GRID1: variants seen among roughly 807,000 people sequenced by gnomAD.
GRID1 encodes the protein glutamate ionotropic receptor delta type subunit 1, also known as glutamate receptor ionotropic, delta-1.
In GRID1, 28 loss-of-function variants were observed where a neutral mutation model predicts 98.0. That is an observed-to-expected ratio of 0.29 (90% CI 0.21 to 0.39). The LOEUF is 0.39. Ranked by LOEUF, GRID1 falls within the 10% of genes least tolerant of loss-of-function variation. The pLI is 1.00. For synonymous variants in GRID1, 553 were observed against 538.5 expected, an observed-to-expected ratio of 1.03 and a Z score of -0.37; for missense variants, 1,111 against 1,340.5, an observed-to-expected ratio of 0.83 and a Z score of 2.67.
At chr10:86,239,918 A>C (rs1310146152) in intron 2 of GRID1, among the ~76,000 whole-genome samples, 1 of 152,230 alleles carries the variant, frequency 6.6e-6, no homozygotes, top group Non-Finnish European at 1.5e-5. Context: ...AAAACGAATC[A>C]GGAAGGTGGG....
intron 2 of GRID1, among the ~76,000 whole-genome samples, chr10:86,283,965 T>G (rs1204230152): frequency 7.0e-6 from 1 of 142,102 alleles, no homozygotes; most frequent in Non-Finnish European, 1.5e-5. Context: ...CACCTGCATA[T>G]ACACACCTGC....
At chr10:85,703,459 T>C (rs1841476761) in intron 12 of GRID1, among the ~76,000 whole-genome samples, 3 of 151,920 alleles carry the variant, frequency 2.0e-5, no homozygotes. Flanking sequence ...ATATAGGATG[T>C]TAAGAAGAAA....
intron 4 of GRID1, among the ~76,000 whole-genome samples, chr10:86,124,180 G>A (rs2131961614): frequency 1.3e-5 from 2 of 152,244 alleles, no homozygotes; most frequent in East Asian, 1.9e-4. Flanking sequence ...CCTTAACCCT[G>A]GTCCCTTTCC....
intron 2 of GRID1, among the ~76,000 whole-genome samples, chr10:86,227,385 G>A (rs1032045162): frequency 1.3e-5 from 2 of 152,152 alleles, no homozygotes; most frequent in Admixed American, 1.3e-4. Context: ...GTAGTGGGGG[G>A]CTGCAGCCCC....
chr10:86,146,518 C>T (rs1476321757), intron 3 of GRID1, among the ~76,000 whole-genome samples: 1 of 152,226 alleles, frequency 6.6e-6, no homozygotes, highest in African/African-American at 2.4e-5. Flanking sequence ...CAAAGAACTA[C>T]CTGCTGTGGC....
intron 4 of GRID1, among the ~76,000 whole-genome samples, chr10:85,920,515 G>A (rs967211660): frequency 1.2e-4 from 19 of 152,156 alleles, no homozygotes; most frequent in African/African-American, 3.6e-4. Context: ...CCTGGGTAGG[G>A]GAGTGGACCA....
chr10:86,027,081 CTCTA>C (rs1157331646), intron 4 of GRID1, among the ~76,000 whole-genome samples: 3 of 152,220 alleles, frequency 2.0e-5, no homozygotes, highest in Non-Finnish European at 2.9e-5. Flanking sequence ...TCCCAGACTT[CTCTA>C]TCTGATTATT....
chr10:85,722,661 T>C (rs1278683796), intron 12 of GRID1, among the ~76,000 whole-genome samples: 2 of 152,226 alleles, frequency 1.3e-5, no homozygotes, highest in African/African-American at 4.8e-5. Context: ...ACTTCTGGTT[T>C]AAATTAATTT....
intron 8 of GRID1, among the ~76,000 whole-genome samples, chr10:85,804,548 A>G (rs188336176): frequency 1.3e-5 from 2 of 152,008 alleles, no homozygotes; most frequent in Admixed American, 1.3e-4. Flanking sequence ...AATCAAAGAC[A>G]TTACAAGAAA....
chr10:85,969,732 T>C (rs773997649), intron 4 of GRID1, among the ~76,000 whole-genome samples: 32 of 152,016 alleles, frequency 2.1e-4, no homozygotes, highest in Non-Finnish European at 4.3e-4. Flanking sequence ...ACACCTACGT[T>C]GAAAGAGAAA....
intron 2 of GRID1, among the ~76,000 whole-genome samples, chr10:86,342,695 C>G (rs1283506059): frequency 6.6e-6 from 1 of 152,236 alleles, no homozygotes; most frequent in African/African-American, 2.4e-5. Context: ...TGCTTCCCTG[C>G]CCAGGAGCAG....
intron 13 of GRID1, among the ~76,000 whole-genome samples, chr10:85,642,649 T>C (rs1187761569): frequency 6.6e-6 from 1 of 152,230 alleles, no homozygotes; most frequent in African/African-American, 2.4e-5. Flanking sequence ...CGTCTCTTAA[T>C]AAATAAAAAT....
chr10:86,229,032 G>A (rs1287464785), intron 2 of GRID1, among the ~76,000 whole-genome samples: 3 of 152,166 alleles, frequency 2.0e-5, no homozygotes, highest in Non-Finnish European at 2.9e-5. Flanking sequence ...GGGCTGCCTT[G>A]GTCCAGAGTG....
At chr10:86,111,952 G>A (rs1844493501) in intron 4 of GRID1, among the ~76,000 whole-genome samples, 1 of 152,178 alleles carries the variant, frequency 6.6e-6, no homozygotes, top group African/African-American at 2.4e-5. Context: ...ATGAGGTGTA[G>A]TCTCCACCCG....
At chr10:85,837,240 G>C (rs1475453761) in intron 8 of GRID1, among the ~76,000 whole-genome samples, 1 of 152,178 alleles carries the variant, frequency 6.6e-6, no homozygotes, top group Non-Finnish European at 1.5e-5. Flanking sequence ...TGGGGGCACA[G>C]AGAAAGCACC....
intron 8 of GRID1, among the ~76,000 whole-genome samples, chr10:85,846,869 C>A (rs961684397): frequency 6.6e-6 from 1 of 152,114 alleles, no homozygotes; most frequent in African/African-American, 2.4e-5. Flanking sequence ...ATAAAGTTTC[C>A]AAGATACAAA....
At chr10:86,345,307 A>G (rs1306318953) in intron 2 of GRID1, among the ~76,000 whole-genome samples, 2 of 152,244 alleles carry the variant, frequency 1.3e-5, no homozygotes, top group Non-Finnish European at 2.9e-5. Flanking sequence ...TTGGGTGGAC[A>G]GGAACAGGGG....
Position 85,613,451 on chromosome 10 carries a change from A to G in GRID1, c.2557T>C (p.Leu853=). 1 of 1,613,444 alleles carries G rather than the reference A, an allele frequency of 6.2e-7. No homozygotes were observed. The highest frequency in any genetic ancestry group is 8.5e-7 in the Non-Finnish European group (1 of 1,179,888). The change falls in exon 15 of 16, where the codon TTG becomes CTG. Residue 853 remains leucine, a synonymous_variant. Coordinates refer to ENST00000327946, the MANE Select transcript of GRID1 (RefSeq NM_017551.3). ...LLACLVAALE[L]WWNSNRCHQE... is the part of the protein sequence containing the mutation. Reference sequence around the variant, plus strand: ...TGGCACCGGTTGCTGTTCCACCACAACTCCAGGGCAGCCACCAGGCAGGCC... The same window carrying G: ...TGGCACCGGTTGCTGTTCCACCACAGCTCCAGGGCAGCCACCAGGCAGGCC...
chr10:85,924,521 G>A (rs1023642658), intron 4 of GRID1, among the ~76,000 whole-genome samples: 1 of 152,156 alleles, frequency 6.6e-6, no homozygotes, highest in African/African-American at 2.4e-5. Flanking sequence ...TGTACTGAGC[G>A]TTGAACCTCC....
Sources: gnomAD v4.1 joint callset for allele counts (sites outside exome capture counted in the v4.1 genomes callset) on GRCh38, gnomAD v4.1.1 for gene constraint, MANE v1.5 for transcripts, NCBI Gene and HGNC (gene_info 2026-07-23, HGNC 2026-07-21) for gene names.